Variants in POLR1C observed in about 807,000 individuals in gnomAD.
The protein encoded by POLR1C is DNA-directed RNA polymerases I and III subunit RPAC1.
A neutral mutation model predicts 38.3 loss-of-function variants in POLR1C; 42 were observed. That is an observed-to-expected ratio of 1.10 (90% confidence interval 0.86 to 1.42). The LOEUF is 1.42. POLR1C is among the 40% of genes most tolerant of loss of function. POLR1C has a pLI of 0.00. For missense variants in POLR1C, 507 were observed against 450.5 expected (o/e 1.13, Z -1.14); for synonymous variants, 163 against 163.9 (o/e 0.99, Z 0.04).
chr6:43,527,615 G>GT, intron 8 of POLR1C: 1 of 1,613,344 alleles, frequency 6.2e-7, no homozygotes, highest in Non-Finnish European at 8.5e-7. Context: ...TATAGCCCCA[G>GT]TTTCGACATG....
intron 9 of POLR1C, among the ~76,000 whole-genome samples, chr6:43,540,152 G>T (rs1012120850): frequency 7.9e-5 from 12 of 152,124 alleles, no homozygotes; most frequent in African/African-American, 2.9e-4. Context: ...TACTTTGAGA[G>T]GCCAAGGAGG....
At chr6:43,533,911 T>C (rs771853793), downstream of POLR1C, 50 of 1,598,918 alleles carry the variant, frequency 3.1e-5, no homozygotes, top group Admixed American at 8.1e-4. Flanking sequence ...TCTTACCTAA[T>C]ATAGCAGATT....
At chr6:43,521,756 C>G (rs111742388), downstream of POLR1C, among the ~76,000 whole-genome samples, 836 of 152,268 alleles carry the variant, frequency 5.5e-3, 9 homozygotes, top group African/African-American at 0.019. Flanking sequence ...GTGTCAAACT[C>G]CTGACCTCAA....
chr6:43,517,893 T>TGTTACCGTTTA (rs1792920119), intron 2 of POLR1C, among the ~76,000 whole-genome samples: 1 of 152,256 alleles, frequency 6.6e-6, no homozygotes, highest in Admixed American at 6.5e-5. Flanking sequence ...GATTACTGAA[T>TGTTACCGTTTA]GTTACCGTTT....
intron 9 of POLR1C, among the ~76,000 whole-genome samples, chr6:43,545,215 T>G (rs886717093): frequency 5.9e-5 from 9 of 152,122 alleles, no homozygotes; most frequent in African/African-American, 2.2e-4. Flanking sequence ...AATGACAACT[T>G]TATCAGACAC....
intron 9 of POLR1C, among the ~76,000 whole-genome samples, chr6:43,544,466 T>C (rs943883398): frequency 1.3e-5 from 2 of 152,250 alleles, no homozygotes; most frequent in Admixed American, 1.3e-4. Context: ...ACTGTTGTCT[T>C]GTGGCCTCTA....
intron 9 of POLR1C, chr6:43,547,412 G>T: frequency 1.5e-6 from 1 of 671,440 alleles, no homozygotes; most frequent in Non-Finnish European, 2.7e-6. Flanking sequence ...TCATAGAAAA[G>T]ACCATCTGCT....
At chr6:43,519,070 C>T (rs1793001358) in intron 2 of POLR1C, 1 of 513,510 alleles carries the variant, frequency 1.9e-6, no homozygotes, top group Non-Finnish European at 3.5e-6. Flanking sequence ...ATGGTAGTTT[C>T]TGTTCTTCAG....
downstream of POLR1C, chr6:43,522,796 C>T (rs1793278268): frequency 4.8e-6 from 2 of 413,982 alleles, no homozygotes; most frequent in Admixed American, 5.1e-5. Flanking sequence ...ATTAACTCTG[C>T]CTTACGGCCA....
chr6:43,549,638 T>G (rs777693461), intron 9 of POLR1C: 38 of 1,557,362 alleles, frequency 2.4e-5, no homozygotes, highest in Non-Finnish European at 3.2e-5. Flanking sequence ...AGGTGCTGCA[T>G]AGACTCATGT....
At chr6:43,523,859 A>C, downstream of POLR1C, 2 of 1,613,952 alleles carry the variant, frequency 1.2e-6, no homozygotes, top group Non-Finnish European at 1.7e-6. Flanking sequence ...GGATGCCCAA[A>C]AGCTTGATTC....
chr6:43,556,005 A>G (rs781493800), intron 10 of POLR1C: 2 of 1,609,668 alleles, frequency 1.2e-6, no homozygotes, highest in South Asian at 2.2e-5. Flanking sequence ...GGAATCAATA[A>G]CTGGTATAAA....
At chr6:43,517,732 G>T (rs140817890) in intron 2 of POLR1C, among the ~76,000 whole-genome samples, 3 of 152,110 alleles carry the variant, frequency 2.0e-5, no homozygotes, top group Admixed American at 6.5e-5. Context: ...TCTCAATTGA[G>T]CCTTGAATGG....
At chr6:43,524,072 C>T (rs1391657370), downstream of POLR1C, 5 of 1,569,834 alleles carry the variant, frequency 3.2e-6, no homozygotes, top group South Asian at 1.1e-5. Flanking sequence ...TTCTCTTGGC[C>T]CGGCGCAGTG....
In POLR1C at chr6:43,519,734, T is replaced by C. The variant is rs1441102734; in HGVS notation, c.278T>C (p.Leu93Pro). ...CCAACTATGGCTGTGGAGAAGGTCC[T>C]GGTGTACAATAATACATCCATTGTT... ...EVPTMAVEKV[L>P]VYNNTSIVQD... Residue 93 changes from leucine (L) to proline (P), a missense_variant, in exon 4 of 9, where the codon CTG (leucine) becomes CCG (proline). Physicochemically the swap from Leu to Pro is moderately conservative, Grantham distance 98 (BLOSUM62 -3). Coordinates refer to ENST00000642195, the MANE Select transcript of POLR1C (RefSeq NM_203290.4). 1 of 1,614,206 alleles carries C rather than the reference T, an allele frequency of 6.2e-7. No homozygotes were observed. The highest frequency in any genetic ancestry group is 8.5e-7 in the Non-Finnish European group (1 of 1,180,022).
At chr6:43,560,839 T>C in intron 10 of POLR1C, 2 of 1,118,158 alleles carry the variant, frequency 1.8e-6, no homozygotes, top group South Asian at 1.3e-5. Flanking sequence ...ATTTTATACA[T>C]GATCTACAAT....
Position 43,558,639 on chromosome 6 carries a change from G to T in POLR1C, c.*49-2761G>T, listed in dbSNP as rs773189289. On this transcript the variant is annotated intron_variant, in intron 10 of 10. Coordinates refer to the POLR1C transcript ENST00000607635. ...GGTAGGGGATGAAAGTGGACCCACT[G>T]AAAGAGTTTTTAAGCTTCAGGAGTT... 9.8e-6 allele frequency: 14 copies of T among 1,433,696 alleles called. No individual in the cohort carries two copies. In the East Asian group the frequency reaches 3.2e-4, roughly 33 times the overall value. The allele number at this position is 1,433,696 out of a possible 1,614,324, so 88.8% of individuals were successfully genotyped here.
rs553478354 is a variant in POLR1C at position 43,520,135 on chromosome 6, ATGC to A, written c.457_459del (p.Ala153del). ...CAGGTCAGATGCACTCGGAACCCCC[ATGC>A]TGCTAAAGATTCCTCTGACCCCAAC... On this transcript the variant is annotated inframe_deletion, in exon 5 of 9. Coordinates refer to ENST00000642195, the MANE Select transcript of POLR1C (RefSeq NM_203290.4). 5.0e-6 allele frequency: 8 copies of A among 1,614,222 alleles called. No individual in the cohort carries two copies. In the South Asian group the frequency reaches 8.8e-5, roughly 18 times the overall value.
At chr6:43,562,181 A>G in exon 11 of POLR1C, 2 of 1,345,156 alleles carry the variant, frequency 1.5e-6, no homozygotes, top group Non-Finnish European at 2.1e-6. Flanking sequence ...CCTCATTGAA[A>G]CATAAGTTTC....
Sources: allele counts gnomAD v4.1 joint callset (sites outside exome capture counted in the v4.1 genomes callset), GRCh38; gene constraint gnomAD v4.1.1; transcripts MANE v1.5; gene names NCBI Gene and HGNC (gene_info 2026-07-23, HGNC 2026-07-21).